The following ERBB4 variants were observed in gnomAD, a reference collection of about 807,000 sequenced individuals.
ERBB4 encodes receptor tyrosine-protein kinase erbB-4.
A neutral mutation model predicts 158.0 loss-of-function variants in ERBB4; 42 were observed. The ratio of observed to expected loss-of-function variants is 0.27; its 90% confidence interval spans 0.21 to 0.34. The LOEUF (loss-of-function observed/expected upper bound fraction) is 0.34, where lower values mean the gene tolerates loss of function less well. Among genes scored for constraint, ERBB4 ranks in the 10% least tolerant of loss-of-function variants. The pLI is 1.00. For missense variants in ERBB4, 1,333 were observed against 1,624.1 expected (o/e 0.82, Z 3.08); for synonymous variants, 583 against 558.7 (o/e 1.04, Z -0.61).
chr2:212,042,901 A>G (rs1211153465), intron 2 of ERBB4, among the ~76,000 whole-genome samples: 1 of 152,168 alleles, frequency 6.6e-6, no homozygotes, highest in Admixed American at 6.5e-5. Context: ...TTGGAGAAAC[A>G]TTATGAGCTA....
chr2:212,125,139 T>C lies in ERBB4; in HGVS notation c.83-236A>G, dbSNP rs571738653. The C allele has an allele frequency of 2.5e-5, 13 of 515,846 alleles. No individual in the cohort carries two copies. The East Asian group carries it at 3.2e-4, about 13-fold the overall frequency. 32.0% of individuals were successfully genotyped at this position (515,846 alleles called of 1,614,324 possible). A position where few individuals can be genotyped will look rare whatever the true frequency, so the allele number is the denominator to read the frequency against. On this transcript the variant is annotated intron_variant, in intron 1 of 27. Transcript: ENST00000342788. ...GGAAGGCATAGATTCCACAGAAATA[T>C]ATAGCAAGGAGATAAACTTAATCCC...
intron 1 of ERBB4, among the ~76,000 whole-genome samples, chr2:212,189,333 C>A (rs13017883): frequency 0.098 from 14,920 of 152,112 alleles, 930 homozygotes; most frequent in African/African-American, 0.18. Flanking sequence ...CTTTCCTCTA[C>A]AATATTCAGA....
chr2:211,390,322 G>A (rs2062775053), intron 25 of ERBB4, among the ~76,000 whole-genome samples: 1 of 152,206 alleles, frequency 6.6e-6, no homozygotes, highest in Admixed American at 6.5e-5. Context: ...ATCTAAGATT[G>A]TTAGAAGAAA....
chr2:211,392,824 C>T (rs753747623), intron 25 of ERBB4, among the ~76,000 whole-genome samples: 6 of 152,134 alleles, frequency 3.9e-5, no homozygotes, highest in Middle Eastern at 3.4e-3. Flanking sequence ...CCCACCACCA[C>T]GCCTGGCTAA....
intron 19 of ERBB4, among the ~76,000 whole-genome samples, chr2:211,616,474 AT>A (rs1453661537): frequency 1.6e-4 from 25 of 152,248 alleles, no homozygotes; most frequent in African/African-American, 6.0e-4. Flanking sequence ...AATATTTATA[AT>A]TTCAACTCAA....
chr2:211,634,926 C>A (rs10205275), intron 16 of ERBB4, among the ~76,000 whole-genome samples: 128,645 of 151,988 alleles, frequency 0.85, 57,981 homozygotes, highest in East Asian at 1. Context: ...CCCGCCTTGG[C>A]CTCCAAAAGT....
chr2:211,649,293 T>A (rs1382866111), intron 16 of ERBB4, among the ~76,000 whole-genome samples: 2 of 151,896 alleles, frequency 1.3e-5, no homozygotes, highest in Non-Finnish European at 3.0e-5. Context: ...TGTTTTTATA[T>A]GCTTGTCATA....
chr2:212,271,172 ATGACAGAGG>A, intron 1 of ERBB4, among the ~76,000 whole-genome samples: 1 of 52,908 alleles, frequency 1.9e-5, no homozygotes, highest in South Asian at 5.6e-4. Flanking sequence ...AAAATCTATG[ATGACAGAGG>A]CAATACCTGA....
intron 19 of ERBB4, among the ~76,000 whole-genome samples, chr2:211,598,907 C>T (rs1221714339): frequency 2.0e-5 from 3 of 152,140 alleles, no homozygotes; most frequent in Non-Finnish European, 4.4e-5. Context: ...CAGAAGGAGA[C>T]ATTTTTGAGT....
intron 19 of ERBB4, among the ~76,000 whole-genome samples, chr2:211,600,859 G>C (rs75025736): frequency 0.023 from 3,457 of 152,120 alleles, 74 homozygotes; most frequent in Admixed American, 0.042. Context: ...TTTAGCAGCA[G>C]ACAAACTGAC....
chr2:212,096,337 T>G (rs532937174), intron 2 of ERBB4, among the ~76,000 whole-genome samples: 1 of 152,090 alleles, frequency 6.6e-6, no homozygotes, highest in South Asian at 2.1e-4. Flanking sequence ...AAAAGTTAAT[T>G]AGAAAAAAAA....
intron 1 of ERBB4, among the ~76,000 whole-genome samples, chr2:212,353,421 TTATA>T (rs2089338240): frequency 6.7e-6 from 1 of 149,196 alleles, no homozygotes; most frequent in African/African-American, 2.4e-5. Context: ...GTATAAAATA[TTATA>T]TAAATAAAAG....
chr2:211,506,420 A>T (rs1559237552), intron 20 of ERBB4, among the ~76,000 whole-genome samples: 2 of 151,794 alleles, frequency 1.3e-5, no homozygotes, highest in Non-Finnish European at 2.9e-5. Context: ...CCTAATAGAC[A>T]TTTATAAAAC....
intron 2 of ERBB4, among the ~76,000 whole-genome samples, chr2:212,023,331 T>A (rs2076697878): frequency 6.6e-6 from 1 of 152,116 alleles, no homozygotes; most frequent in Non-Finnish European, 1.5e-5. Flanking sequence ...AATTCTGTGA[T>A]CTGTCATCTT....
chr2:211,937,133 T>C (rs1459206132), intron 3 of ERBB4, among the ~76,000 whole-genome samples: 1 of 152,164 alleles, frequency 6.6e-6, no homozygotes, highest in Non-Finnish European at 1.5e-5. Context: ...TTGTACAATC[T>C]TTTACATTTA....
intron 1 of ERBB4, among the ~76,000 whole-genome samples, chr2:212,217,036 T>G (rs774422335): frequency 4.6e-5 from 7 of 151,464 alleles, no homozygotes; most frequent in African/African-American, 9.7e-5. Context: ...TGTAATGCCT[T>G]GAGCACACAA....
At chr2:211,648,093 A>G (rs2070843217) in intron 16 of ERBB4, among the ~76,000 whole-genome samples, 1 of 151,858 alleles carries the variant, frequency 6.6e-6, no homozygotes, top group Non-Finnish European at 1.5e-5. Context: ...GCTCCACAGT[A>G]TTATATTTAT....
intron 19 of ERBB4, among the ~76,000 whole-genome samples, chr2:211,573,144 CA>C (rs1193502102): frequency 6.6e-6 from 1 of 152,130 alleles, no homozygotes; most frequent in Non-Finnish European, 1.5e-5. Context: ...AGATTAGACA[CA>C]GGCACAAAGA....
chr2:211,588,138 T>G (rs948289720), intron 19 of ERBB4, among the ~76,000 whole-genome samples: 1 of 152,148 alleles, frequency 6.6e-6, no homozygotes, highest in Non-Finnish European at 1.5e-5. Context: ...TTTTGTGTAT[T>G]AAGAAGAAAA....
Sources: allele counts gnomAD v4.1 joint callset (sites outside exome capture counted in the v4.1 genomes callset), GRCh38; gene constraint gnomAD v4.1.1; transcripts MANE v1.5; gene names NCBI Gene and HGNC (gene_info 2026-07-23, HGNC 2026-07-21).